Variants in HS6ST2 observed in about 807,000 individuals in gnomAD.
The protein encoded by HS6ST2 is heparan-sulfate 6-O-sulfotransferase 2.
Under a neutral mutation model 33.0 loss-of-function variants are expected in HS6ST2, and 17 were observed. The observed-to-expected ratio is 0.52, with a 90% CI of 0.35 to 0.77. HS6ST2 has a LOEUF of 0.77. HS6ST2 is among the 30% of genes least tolerant of loss of function. The probability of loss-of-function intolerance (pLI) is 0.01; values close to 1 mark genes in which losing one functional copy is unlikely to be tolerated. For synonymous variants in HS6ST2, 248 were observed against 237.1 expected (o/e 1.05, Z -0.42); for missense variants, 519 against 551.7 (o/e 0.94, Z 0.59).
chrX:132,646,092 T>C (rs1360274569), intron 4 of HS6ST2, among the ~76,000 whole-genome samples: 1 of 111,564 alleles, frequency 9.0e-6, no homozygotes, highest in Non-Finnish European at 1.9e-5. Context: ...TTTGTTCATT[T>C]TATTTTAAAA....
chrX:132,659,546 T>C (rs188130223), intron 4 of HS6ST2, among the ~76,000 whole-genome samples: 1 of 100,184 alleles, frequency 1.0e-5, no homozygotes, highest in East Asian at 3.0e-4. Context: ...CCACAGCCCT[T>C]GTAGAAGCTT....
chrX:132,934,375 C>A (rs1459967104), intron 2 of HS6ST2, among the ~76,000 whole-genome samples: 1 of 111,787 alleles, frequency 8.9e-6, no homozygotes, highest in Non-Finnish European at 1.9e-5. Flanking sequence ...ACTTCTCTTA[C>A]CTTCTTTAGA....
intron 4 of HS6ST2, among the ~76,000 whole-genome samples, chrX:132,660,144 A>G (rs1215693255): frequency 9.0e-6 from 1 of 111,500 alleles, no homozygotes; most frequent in Non-Finnish European, 1.9e-5. Context: ...GTATCCCTCT[A>G]TTATAATGGG....
chrX:132,805,246 CTGG>C (rs991624567), intron 2 of HS6ST2, among the ~76,000 whole-genome samples: 13 of 111,825 alleles, frequency 1.2e-4, no homozygotes, highest in African/African-American at 3.9e-4. Context: ...TTGTGGTCTT[CTGG>C]TGGTACGCAG....
At chrX:132,732,894 A>G (rs2064473753) in intron 2 of HS6ST2, among the ~76,000 whole-genome samples, 1 of 111,972 alleles carries the variant, frequency 8.9e-6, no homozygotes, top group Admixed American at 9.5e-5. Context: ...CAGTTTCCTC[A>G]TATTACATTT....
chrX:132,808,386 T>C (rs1445473780), intron 2 of HS6ST2, among the ~76,000 whole-genome samples: 1 of 111,825 alleles, frequency 8.9e-6, no homozygotes, highest in Non-Finnish European at 1.9e-5. Context: ...AGGAGATTAT[T>C]TGACATGGAA....
chrX:132,954,016 T>C (rs1469154093), intron 2 of HS6ST2, among the ~76,000 whole-genome samples: 2 of 112,331 alleles, frequency 1.8e-5, no homozygotes, highest in East Asian at 5.6e-4. Context: ...AAAAACTCAG[T>C]GACCCCGGGG....
chrX:132,785,116 GC>G (rs2065050182), intron 2 of HS6ST2, among the ~76,000 whole-genome samples: 1 of 112,209 alleles, frequency 8.9e-6, no homozygotes, highest in South Asian at 3.7e-4. Context: ...AGGCTCCTTA[GC>G]CTTTCAATAT....
chrX:132,709,965 T>C (rs1227480900), intron 2 of HS6ST2, among the ~76,000 whole-genome samples: 1 of 112,200 alleles, frequency 8.9e-6, no homozygotes. Flanking sequence ...TAACAGAAAT[T>C]CTCAAATGAT....
chrX:132,860,110 G>A (rs142623149), intron 2 of HS6ST2, among the ~76,000 whole-genome samples: 1 of 111,660 alleles, frequency 9.0e-6, no homozygotes, highest in African/African-American at 3.3e-5. Context: ...GCGCATGTGT[G>A]GGGGACACGG....
chrX:132,634,224 A>G (rs2063538235), intron 4 of HS6ST2, among the ~76,000 whole-genome samples: 1 of 112,160 alleles, frequency 8.9e-6, no homozygotes, highest in Admixed American at 9.4e-5. Flanking sequence ...AAAACAGAGC[A>G]AGATGCAGGT....
chrX:132,679,184 A>C (rs1342276582), intron 3 of HS6ST2, among the ~76,000 whole-genome samples: 1 of 112,362 alleles, frequency 8.9e-6, no homozygotes, highest in East Asian at 2.8e-4. Flanking sequence ...CTGTAACATG[A>C]ATTAATTGTG....
At chrX:132,905,975 G>A (rs1334312020) in intron 2 of HS6ST2, among the ~76,000 whole-genome samples, 1 of 110,920 alleles carries the variant, frequency 9.0e-6, no homozygotes, top group African/African-American at 3.3e-5. Context: ...ACAGTGAGCC[G>A]AGATCATGCC....
chrX:132,878,009 A>G (rs1393912445), intron 2 of HS6ST2, among the ~76,000 whole-genome samples: 2 of 111,409 alleles, frequency 1.8e-5, no homozygotes, highest in African/African-American at 6.5e-5. Flanking sequence ...CATTTGAGGG[A>G]TACAATATAA....
chrX:132,825,365 A>G (rs2065507329), intron 2 of HS6ST2, among the ~76,000 whole-genome samples: 1 of 111,807 alleles, frequency 8.9e-6, no homozygotes, highest in East Asian at 2.8e-4. Context: ...TGTTCAGAGG[A>G]CACAAACTGC....
At chrX:132,827,348 T>C (rs920438995) in intron 2 of HS6ST2, among the ~76,000 whole-genome samples, 6 of 111,034 alleles carry the variant, frequency 5.4e-5, no homozygotes, top group African/African-American at 2.0e-4. Context: ...TTACTATGGT[T>C]CACGGTGTCA....
intron 3 of HS6ST2, among the ~76,000 whole-genome samples, chrX:132,704,295 C>T (rs1020116957): frequency 7.1e-5 from 8 of 112,446 alleles, no homozygotes; most frequent in Non-Finnish European, 1.1e-4. Flanking sequence ...TGGCTCACGC[C>T]GGTAATCCCA....
Position 132,958,427 on chromosome X carries a change from G to A in HS6ST2, c.176C>T (p.Ser59Phe). The A allele has an allele frequency of 8.3e-7, 1 of 1,199,586 alleles. No homozygotes were observed. The highest frequency in any genetic ancestry group is 1.1e-6 in the Non-Finnish European group (1 of 892,047). Residue 59 changes from serine to phenylalanine, a missense_variant, in exon 1 of 5, where the codon TCT becomes TTT. By Grantham distance (155) the Ser-to-Phe change is radical. Coordinates refer to ENST00000370833, the MANE Select transcript of HS6ST2 (RefSeq NM_001394073.1). ...GAGCGGCCGGGTGTGGAATCCGTGA[G>A]ACACACCCCTAGGAGGGCCCGCGCG... ...SVRAGPPRGV[S>F]HGFHTRPLLD...
intron 2 of HS6ST2, among the ~76,000 whole-genome samples, chrX:132,853,511 C>A: frequency 9.1e-6 from 1 of 110,413 alleles, no homozygotes; most frequent in Non-Finnish European, 1.9e-5. Context: ...GGCATTCAGA[C>A]AACAAGAAGT....
Sources: allele counts gnomAD v4.1 joint callset (sites outside exome capture counted in the v4.1 genomes callset), GRCh38; gene constraint gnomAD v4.1.1; transcripts MANE v1.5; gene names NCBI Gene and HGNC (gene_info 2026-07-23, HGNC 2026-07-21).